LRMDA: variants seen among roughly 807,000 people sequenced by gnomAD.
The protein encoded by LRMDA is leucine rich melanocyte differentiation associated, also known as leucine-rich melanocyte differentiation-associated protein.
A neutral mutation model predicts 29.8 loss-of-function variants in LRMDA; 18 were observed. That is an observed-to-expected ratio of 0.60 (90% CI 0.42 to 0.90). The LOEUF is 0.90. Among genes scored for constraint, LRMDA ranks in the 40% least tolerant of loss-of-function variants. LRMDA has a pLI of 0.00. For synonymous variants in LRMDA, 125 were observed against 109.4 expected (o/e 1.14, Z -0.89); for missense variants, 273 against 273.9 (o/e 1.00, Z 0.02).
chr10:76,333,459 T>C (rs1032362271), intron 6 of LRMDA, among the ~76,000 whole-genome samples: 1 of 152,102 alleles, frequency 6.6e-6, no homozygotes, highest in African/African-American at 2.4e-5. Flanking sequence ...AAAGAGCAGG[T>C]TTCTAGCAAA....
chr10:75,683,028 C>T (rs191413151), intron 2 of LRMDA, among the ~76,000 whole-genome samples: 333 of 152,328 alleles, frequency 2.2e-3, no homozygotes, highest in Middle Eastern at 6.8e-3. Context: ...GGGATTTACA[C>T]GTTGCTGAGC....
At chr10:76,351,546 C>G (rs900754221) in intron 6 of LRMDA, among the ~76,000 whole-genome samples, 10 of 151,964 alleles carry the variant, frequency 6.6e-5, no homozygotes, top group African/African-American at 2.2e-4. Flanking sequence ...ATCTTCTTCA[C>G]CCCTTTGGTT....
chr10:75,906,006 T>C (rs2038657), intron 2 of LRMDA, among the ~76,000 whole-genome samples: 87,227 of 150,118 alleles, frequency 0.58, 27,541 homozygotes, highest in African/African-American at 0.82. Context: ...TGCAGAAAGG[T>C]AGCATGGTGA....
intron 2 of LRMDA, among the ~76,000 whole-genome samples, chr10:75,595,402 G>C (rs983755836): frequency 6.6e-6 from 1 of 151,882 alleles, no homozygotes; most frequent in African/African-American, 2.4e-5. Context: ...GAGTTCAGTT[G>C]GGTTTATAGA....
chr10:75,611,440 G>A (rs916371945), intron 2 of LRMDA, among the ~76,000 whole-genome samples: 4 of 152,228 alleles, frequency 2.6e-5, no homozygotes, highest in South Asian at 2.1e-4. Context: ...CTGTGTAACC[G>A]TTACAACCAT....
chr10:75,904,736 C>T (rs151098105), intron 2 of LRMDA, among the ~76,000 whole-genome samples: 88 of 152,200 alleles, frequency 5.8e-4, no homozygotes, highest in African/African-American at 1.8e-3. Context: ...CAACATCAGC[C>T]CAAATTTTCA....
intron 5 of LRMDA, among the ~76,000 whole-genome samples, chr10:76,260,311 A>C (rs553798846): frequency 6.6e-6 from 1 of 151,824 alleles, no homozygotes; most frequent in Non-Finnish European, 1.5e-5. Flanking sequence ...GCATGTTTTC[A>C]TGATGATGAT....
chr10:75,524,563 C>T (rs1589168892), intron 2 of LRMDA, among the ~76,000 whole-genome samples: 1 of 152,080 alleles, frequency 6.6e-6, no homozygotes, highest in African/African-American at 2.4e-5. Flanking sequence ...TGCTGCTCTC[C>T]CCAGGGTCAC....
At chr10:75,595,251 G>A (rs1395377775) in intron 2 of LRMDA, among the ~76,000 whole-genome samples, 2 of 152,160 alleles carry the variant, frequency 1.3e-5, no homozygotes, top group Admixed American at 6.5e-5. Flanking sequence ...TTTGCTGAGT[G>A]TGGTTCCCTG....
In LRMDA at chr10:75,858,373, C is replaced by A. The variant is rs562510620; in HGVS notation, c.132-177635C>A. On this transcript the variant is annotated intron_variant, in intron 2 of 6. Coordinates refer to ENST00000611255, the MANE Select transcript of LRMDA (RefSeq NM_001305581.2). ...TGGTACCTGTCGCACCCTTCCCTTCCCCATCTTCTCTTCTTCCCCCTCTCC... is the reference window on the plus strand; with the variant it reads ...TGGTACCTGTCGCACCCTTCCCTTCACCATCTTCTCTTCTTCCCCCTCTCC... Among the ~76,000 whole-genome samples the A allele has an allele frequency of 7.2e-5, 11 of 152,308 alleles. No individual in the cohort carries two copies. In the East Asian group the frequency reaches 1.9e-3, roughly 27 times the overall value.
chr10:76,200,004 C>G (rs1189762948), intron 5 of LRMDA, among the ~76,000 whole-genome samples: 1 of 152,184 alleles, frequency 6.6e-6, no homozygotes, highest in African/African-American at 2.4e-5. Flanking sequence ...CTCTGTCACC[C>G]AGGCTGGAGT....
intron 2 of LRMDA, among the ~76,000 whole-genome samples, chr10:75,927,642 C>T (rs574976436): frequency 3.5e-4 from 53 of 152,324 alleles, no homozygotes; most frequent in African/African-American, 1.2e-3. Flanking sequence ...CAAAATGAGA[C>T]TGTAATCAAG....
chr10:75,910,657 C>T (rs1845827918), intron 2 of LRMDA, among the ~76,000 whole-genome samples: 1 of 152,134 alleles, frequency 6.6e-6, no homozygotes, highest in Non-Finnish European at 1.5e-5. Context: ...GTGATTTGCT[C>T]AAGATGTCAG....
chr10:76,177,639 C>CT (rs775112871), intron 5 of LRMDA, among the ~76,000 whole-genome samples: 6 of 152,200 alleles, frequency 3.9e-5, no homozygotes, highest in Admixed American at 1.3e-4. Flanking sequence ...AAAAATCCTG[C>CT]TTTGTCTTAT....
At chr10:76,398,741 C>T (rs1047219619) in intron 6 of LRMDA, among the ~76,000 whole-genome samples, 7 of 152,192 alleles carry the variant, frequency 4.6e-5, no homozygotes, top group Non-Finnish European at 7.4e-5. Context: ...TGCTGAGTTT[C>T]GTACCAGATA....
chr10:76,359,442 G>T (rs1016568553), intron 6 of LRMDA, among the ~76,000 whole-genome samples: 7 of 152,140 alleles, frequency 4.6e-5, no homozygotes, highest in Admixed American at 3.9e-4. Context: ...CAGCAGAGGG[G>T]AGGGGAAGCT....
At chr10:76,506,713 A>G (rs1245602253) in intron 6 of LRMDA, among the ~76,000 whole-genome samples, 3 of 151,842 alleles carry the variant, frequency 2.0e-5, no homozygotes, top group African/African-American at 4.8e-5. Context: ...CATATGAATT[A>G]TAACATACAA....
intron 2 of LRMDA, among the ~76,000 whole-genome samples, chr10:75,636,527 G>A (rs962670542): frequency 6.6e-6 from 1 of 152,058 alleles, no homozygotes; most frequent in African/African-American, 2.4e-5. Context: ...AGGATTATAG[G>A]TGATTTTAAT....
chr10:76,011,201 A>C (rs1847771949), intron 2 of LRMDA, among the ~76,000 whole-genome samples: 1 of 152,134 alleles, frequency 6.6e-6, no homozygotes, highest in Admixed American at 6.5e-5. Flanking sequence ...ATCAAAGCTC[A>C]TTTTGGGTGT....
Sources: allele counts gnomAD v4.1 joint callset (sites outside exome capture counted in the v4.1 genomes callset), GRCh38; gene constraint gnomAD v4.1.1; transcripts MANE v1.5; gene names NCBI Gene and HGNC (gene_info 2026-07-23, HGNC 2026-07-21).